The following RANBP17 variants were observed in gnomAD, a reference collection of about 807,000 sequenced individuals.
The protein encoded by RANBP17 is RAN binding protein 17.
Under a neutral mutation model 141.2 loss-of-function variants are expected in RANBP17, and 158 were observed. That is an observed-to-expected ratio of 1.12 (90% confidence interval 0.98 to 1.28). The LOEUF is 1.28. Among genes scored for constraint, RANBP17 ranks in the 50% most tolerant of loss-of-function variants. The probability of loss-of-function intolerance (pLI) is 0.00; values close to 1 mark genes in which losing one functional copy is unlikely to be tolerated. For synonymous variants in RANBP17, 430 were observed against 450.0 expected (o/e 0.96, Z 0.56); for missense variants, 1,438 against 1,290.7 (o/e 1.11, Z -1.75).
intron 14 of RANBP17, among the ~76,000 whole-genome samples, chr5:171,071,294 A>G (rs1421081112): frequency 6.6e-6 from 1 of 152,074 alleles, no homozygotes; most frequent in African/African-American, 2.4e-5. Context: ...AGTGTGACAT[A>G]TATATTCAGT....
Position 170,974,622 on chromosome 5 carries a change from C to A in RANBP17, c.1710+6245C>A, listed in dbSNP as rs1485220507. ...TGGGGACTTTCTCTGGTGGCCCTGTCCTTCCAGCAACCCTCTGAGTTGTAC... is the reference window on the plus strand; with the variant it reads ...TGGGGACTTTCTCTGGTGGCCCTGTACTTCCAGCAACCCTCTGAGTTGTAC... On this transcript the variant is annotated intron_variant, in intron 14 of 27. Transcript: ENST00000523189. Among the ~76,000 whole-genome samples, 4 of 152,150 alleles carry A rather than the reference C, an allele frequency of 2.6e-5. No individual in the cohort carries two copies. In the East Asian group the frequency reaches 7.7e-4, roughly 29 times the overall value.
chr5:171,222,165 A>G (rs933378939), intron 22 of RANBP17, among the ~76,000 whole-genome samples: 5 of 152,236 alleles, frequency 3.3e-5, no homozygotes, highest in East Asian at 3.8e-4. Flanking sequence ...GGAGTTTGCT[A>G]TGTTGAACCA....
At chr5:170,996,087 A>G (rs1214593222) in intron 14 of RANBP17, among the ~76,000 whole-genome samples, 1 of 152,088 alleles carries the variant, frequency 6.6e-6, no homozygotes, top group Non-Finnish European at 1.5e-5. Context: ...ACCTTCAGTT[A>G]CCCTCCATAG....
intron 24 of RANBP17, among the ~76,000 whole-genome samples, chr5:171,251,040 A>G (rs1765526350): frequency 1.3e-5 from 2 of 152,240 alleles, no homozygotes; most frequent in East Asian, 3.9e-4. Flanking sequence ...TCATCGGAAC[A>G]TGGAACATTC....
chr5:171,189,274 A>G (rs1193202426), intron 18 of RANBP17, among the ~76,000 whole-genome samples: 2 of 152,220 alleles, frequency 1.3e-5, no homozygotes, highest in Non-Finnish European at 1.5e-5. Flanking sequence ...CTTATTTATC[A>G]GTAATTTTTA....
At chr5:171,012,692 T>C (rs2127592581) in intron 14 of RANBP17, among the ~76,000 whole-genome samples, 1 of 152,308 alleles carries the variant, frequency 6.6e-6, no homozygotes, top group East Asian at 1.9e-4. Context: ...CTTGTTTAAG[T>C]CATTATTTGC....
intron 14 of RANBP17, among the ~76,000 whole-genome samples, chr5:171,118,949 T>G (rs566290188): frequency 1.3e-5 from 2 of 152,294 alleles, no homozygotes; most frequent in African/African-American, 4.8e-5. Context: ...GGATACGACT[T>G]CAGTGCTATG....
intron 14 of RANBP17, among the ~76,000 whole-genome samples, chr5:171,098,740 A>G (rs1002346296): frequency 1.3e-5 from 2 of 152,112 alleles, no homozygotes; most frequent in African/African-American, 4.8e-5. Context: ...GGTATTGCCT[A>G]GGTTTTCTTC....
intron 25 of RANBP17, 132 bp downstream of exon 25, chr5:171,265,979 C>T: frequency 2.9e-6 from 2 of 679,736 alleles, no homozygotes; most frequent in Non-Finnish European, 4.7e-6. Context: ...TATATATTGT[C>T]TGGGAGTATT....
chr5:171,128,157 C>G (rs1756632635), intron 14 of RANBP17, among the ~76,000 whole-genome samples: 1 of 149,278 alleles, frequency 6.7e-6, no homozygotes, highest in African/African-American at 2.5e-5. Context: ...GACTCCGTCT[C>G]AAAAAAAAAG....
chr5:171,007,923 C>T (rs1298923568), intron 14 of RANBP17, among the ~76,000 whole-genome samples: 2 of 152,070 alleles, frequency 1.3e-5, no homozygotes, highest in Non-Finnish European at 2.9e-5. Flanking sequence ...GTAGATATGG[C>T]GAAGCCGGTG....
intron 14 of RANBP17, among the ~76,000 whole-genome samples, chr5:171,107,835 T>C (rs1754959478): frequency 6.6e-6 from 1 of 152,202 alleles, no homozygotes; most frequent in Non-Finnish European, 1.5e-5. Flanking sequence ...TAAATTGATA[T>C]GGTGAAGGTT....
Position 171,160,745 on chromosome 5 carries a change from A to G in RANBP17, c.1711-9385A>G, listed in dbSNP as rs1387925392. ...GCTTAAGTCATTAGCCTCAGTTGCCACACTTCTATAATGAAAGTGCTTCAT... is the reference window on the plus strand; with the variant it reads ...GCTTAAGTCATTAGCCTCAGTTGCCGCACTTCTATAATGAAAGTGCTTCAT... On this transcript the variant is annotated intron_variant, in intron 14 of 27. Transcript: ENST00000523189. Among the ~76,000 whole-genome samples the G allele has an allele frequency of 3.3e-5, 5 of 152,124 alleles. No homozygotes were observed. In the East Asian group the frequency reaches 9.6e-4, roughly 29 times the overall value.
At chr5:171,091,010 G>A (rs1786217303) in intron 14 of RANBP17, among the ~76,000 whole-genome samples, 1 of 152,218 alleles carries the variant, frequency 6.6e-6, no homozygotes. Context: ...CCCTCACAGA[G>A]TCCCTTCTGG....
chr5:171,206,066 G>T, intron 20 of RANBP17: 1 of 282,846 alleles, frequency 3.5e-6, no homozygotes, highest in Non-Finnish European at 6.9e-6. Flanking sequence ...ACATGGAAAG[G>T]GAAAAATAAA....
At chr5:171,247,837 T>C (rs1265527059) in intron 24 of RANBP17, among the ~76,000 whole-genome samples, 1 of 152,136 alleles carries the variant, frequency 6.6e-6, no homozygotes, top group Non-Finnish European at 1.5e-5. Context: ...AAGCTTGCAT[T>C]CTAGTGGGAA....
chr5:171,292,346 T>G (rs1232222969), intron 25 of RANBP17, among the ~76,000 whole-genome samples: 1 of 152,230 alleles, frequency 6.6e-6, no homozygotes, highest in Non-Finnish European at 1.5e-5. Flanking sequence ...CCTTAAATGT[T>G]TATAGCACTT....
intron 13 of RANBP17, among the ~76,000 whole-genome samples, chr5:170,966,909 C>T (rs1186431009): frequency 1.3e-5 from 2 of 152,116 alleles, no homozygotes; most frequent in Admixed American, 1.3e-4. Flanking sequence ...AACAGACAAA[C>T]AGAGATCCAA....
At chr5:171,281,211 C>T (rs1437246017) in intron 25 of RANBP17, among the ~76,000 whole-genome samples, 1 of 152,168 alleles carries the variant, frequency 6.6e-6, no homozygotes, top group Non-Finnish European at 1.5e-5. Context: ...TGAGTATATG[C>T]TTCGTTGAGA....
Sources: gnomAD v4.1 joint callset for allele counts (sites outside exome capture counted in the v4.1 genomes callset) on GRCh38, gnomAD v4.1.1 for gene constraint, MANE v1.5 for transcripts, NCBI Gene and HGNC (gene_info 2026-07-23, HGNC 2026-07-21) for gene names.